The following PAM variants were observed in gnomAD, a reference collection of about 807,000 sequenced individuals.
PAM encodes peptidyl-glycine alpha-amidating monooxygenase.
In PAM, 72 loss-of-function variants were observed where a neutral mutation model predicts 122.1. The ratio of observed to expected loss-of-function variants is 0.59; its 90% CI spans 0.49 to 0.72. The LOEUF (loss-of-function observed/expected upper bound fraction) is 0.72. PAM is among the 30% of genes least tolerant of loss of function. The pLI is 0.00. For synonymous variants in PAM, 389 were observed against 404.4 expected, an observed-to-expected ratio of 0.96 and a Z score of 0.46; for missense variants, 1,106 against 1,183.7, an observed-to-expected ratio of 0.93 and a Z score of 0.96.
intron 12 of PAM, among the ~76,000 whole-genome samples, chr5:102,955,377 TC>T (rs1183731637): frequency 6.6e-6 from 1 of 152,070 alleles, no homozygotes; most frequent in African/African-American, 2.4e-5. Flanking sequence ...ATCCCACAGA[TC>T]AATTGAGTAC....
rs549273897 is a variant in PAM at position 102,918,848 on chromosome 5, T to C, written c.356+4827T>C. On this transcript the variant is annotated intron_variant, in intron 5 of 25. Transcript: ENST00000438793. ...AAACCCCAAGATTTTGTGTTTAAAA[T>C]ATTGGATGATTAAAACGAGTGGGCT... is the stretch of plus-strand genomic sequence containing the variant. 3.3e-5 allele frequency among the ~76,000 whole-genome samples: 5 copies of C among 152,252 alleles called. No individual in the cohort carries two copies. In the South Asian group the frequency reaches 1.0e-3, roughly 32 times the overall value.
intron 14 of PAM, among the ~76,000 whole-genome samples, chr5:102,970,645 A>G (rs1765534510): frequency 6.6e-6 from 1 of 152,164 alleles, no homozygotes; most frequent in Non-Finnish European, 1.5e-5. Flanking sequence ...AGTGGAGTAG[A>G]GAGAGTTCTT....
chr5:102,938,294 G>T (rs974589375), intron 7 of PAM, among the ~76,000 whole-genome samples: 2 of 152,000 alleles, frequency 1.3e-5, no homozygotes, highest in South Asian at 4.2e-4. Flanking sequence ...GATTCCATGG[G>T]ACACCTGTTT....
chr5:102,944,986 A>G (rs568277597), intron 7 of PAM, among the ~76,000 whole-genome samples: 3 of 152,110 alleles, frequency 2.0e-5, no homozygotes, highest in African/African-American at 7.2e-5. Context: ...TTCTTTCATT[A>G]AAGAAATTTC....
At chr5:102,949,440 C>G in intron 9 of PAM, 97 bp from the exon 10 acceptor site, 1 of 765,350 alleles carries the variant, frequency 1.3e-6, no homozygotes, top group South Asian at 1.4e-5. Flanking sequence ...ACCTCAGTCC[C>G]TAGCATCTTG....
At chr5:102,936,965 T>C (rs1203699917) in intron 7 of PAM, among the ~76,000 whole-genome samples, 1 of 152,142 alleles carries the variant, frequency 6.6e-6, no homozygotes, top group Non-Finnish European at 1.5e-5. Context: ...GCAGAATAAT[T>C]TGCATTTACC....
At chr5:102,764,167 C>T (rs1253462342) in intron 1 of PAM, among the ~76,000 whole-genome samples, 1 of 151,952 alleles carries the variant, frequency 6.6e-6, no homozygotes, top group Non-Finnish European at 1.5e-5. Flanking sequence ...CTCTCTGTGC[C>T]AGGCTCTAGG....
intron 21 of PAM, among the ~76,000 whole-genome samples, chr5:103,015,781 G>GCT (rs1426263086): frequency 1.3e-5 from 2 of 152,032 alleles, no homozygotes; most frequent in Non-Finnish European, 2.9e-5. Context: ...CAGATTAGTG[G>GCT]CTCTCTCACT....
At chr5:102,838,175 A>G (rs1274345970) in intron 1 of PAM, 1 of 152,120 alleles carries the variant, frequency 6.6e-6, no homozygotes, top group Non-Finnish European at 1.5e-5. Flanking sequence ...ATTAGCAGTC[A>G]TTGCCTCCAA....
At chr5:102,822,553 C>T (rs1322653380) in intron 1 of PAM, among the ~76,000 whole-genome samples, 1 of 151,910 alleles carries the variant, frequency 6.6e-6, no homozygotes, top group Non-Finnish European at 1.5e-5. Context: ...AGCCAGGAAT[C>T]GATTTTTTTT....
At chr5:102,848,109 A>C (rs1014997281) in intron 1 of PAM, among the ~76,000 whole-genome samples, 1 of 152,100 alleles carries the variant, frequency 6.6e-6, no homozygotes, top group Admixed American at 6.5e-5. Flanking sequence ...TGTAAAATTT[A>C]TTTGGATTAC....
At chr5:103,011,383 C>A (rs972305836) in intron 21 of PAM, among the ~76,000 whole-genome samples, 1 of 142,108 alleles carries the variant, frequency 7.0e-6, no homozygotes, top group African/African-American at 3.0e-5. Flanking sequence ...CACACTCACA[C>A]ACACACACAC....
intron 23 of PAM, 80 bp from the exon 24 acceptor site, chr5:103,025,051 A>G (rs1784562754): frequency 2.1e-6 from 2 of 944,284 alleles, no homozygotes; most frequent in South Asian, 1.5e-5. Context: ...ACAGTTATTG[A>G]TTTGACTGGG....
At position 102,791,526 on chromosome 5, in the gene PAM, T is replaced by C. The variant is rs1399776904; in HGVS notation, c.-374+36178T>C. ...ATGTTTTCCTCTTTTCTTTTATATT[T>C]GTAAGACTTATTTATGTGTTAAAGA... On this transcript the variant is annotated intron_variant, in intron 1 of 25. Transcript: ENST00000438793. Among the ~76,000 whole-genome samples the C allele has an allele frequency of 2.6e-5, 4 of 152,132 alleles. No individual in the cohort carries two copies. In the East Asian group the frequency reaches 7.7e-4, roughly 29 times the overall value.
intron 15 of PAM, among the ~76,000 whole-genome samples, chr5:102,980,176 C>A (rs1769270577): frequency 6.6e-6 from 1 of 152,052 alleles, no homozygotes; most frequent in Non-Finnish European, 1.5e-5. Context: ...GAATTTAGAG[C>A]AACTGACAAA....
At chr5:102,773,755 G>A (rs766585775) in intron 1 of PAM, among the ~76,000 whole-genome samples, 5 of 151,878 alleles carry the variant, frequency 3.3e-5, no homozygotes, top group African/African-American at 1.2e-4. Flanking sequence ...GGTTCTGGGG[G>A]TACATGTGAA....
chr5:102,857,809 T>C (rs1014016026), intron 1 of PAM, among the ~76,000 whole-genome samples: 2 of 152,342 alleles, frequency 1.3e-5, no homozygotes, highest in African/African-American at 4.8e-5. Context: ...TAGTAATTGC[T>C]CAATAAACAT....
chr5:102,807,029 T>C (rs749003494), intron 1 of PAM, among the ~76,000 whole-genome samples: 13 of 152,252 alleles, frequency 8.5e-5, no homozygotes, highest in Non-Finnish European at 1.6e-4. Context: ...AGCTGAGATC[T>C]AAATATACAG....
At chr5:102,920,865 T>C (rs1747211965) in intron 5 of PAM, among the ~76,000 whole-genome samples, 1 of 151,962 alleles carries the variant, frequency 6.6e-6, no homozygotes, top group Non-Finnish European at 1.5e-5. Flanking sequence ...TAACCTTGGA[T>C]TTTAAATAGC....
Sources: allele counts gnomAD v4.1 joint callset (sites outside exome capture counted in the v4.1 genomes callset), GRCh38; gene constraint gnomAD v4.1.1; transcripts MANE v1.5; gene names NCBI Gene and HGNC (gene_info 2026-07-23, HGNC 2026-07-21).